The following CUL1 variants were observed in gnomAD, a reference collection of about 807,000 sequenced individuals.
CUL1 encodes cullin 1, also known as cullin-1.
A neutral mutation model predicts 118.0 loss-of-function variants in CUL1; 24 were observed. That is an observed-to-expected ratio of 0.20 (90% CI 0.15 to 0.29). CUL1 has a LOEUF of 0.29. CUL1 is among the 10% of genes least tolerant of loss of function. The probability of loss-of-function intolerance (pLI) is 1.00; values close to 1 mark genes in which losing one functional copy is unlikely to be tolerated. For missense variants in CUL1, 361 were observed against 933.8 expected (o/e 0.39, Z 7.99); for synonymous variants, 332 against 340.4 (o/e 0.98, Z 0.27).
chr7:148,761,920 TC>T (rs1367932528), intron 7 of CUL1, among the ~76,000 whole-genome samples: 1 of 152,130 alleles, frequency 6.6e-6, no homozygotes, highest in Non-Finnish European at 1.5e-5. Context: ...GCAACATAGA[TC>T]CCTCACGTGT....
chr7:148,757,508 G>GC (rs1799693916), intron 4 of CUL1, among the ~76,000 whole-genome samples: 1 of 152,224 alleles, frequency 6.6e-6, no homozygotes, highest in Non-Finnish European at 1.5e-5. Flanking sequence ...CTGAGGGCGA[G>GC]CCCTGAGGAT....
chr7:148,743,215 A>G (rs555547416), intron 2 of CUL1, among the ~76,000 whole-genome samples: 1 of 152,220 alleles, frequency 6.6e-6, no homozygotes, highest in South Asian at 2.1e-4. Flanking sequence ...TGTGCCATGT[A>G]CTCTTGAAAA....
At chr7:148,717,109 G>T (rs545765255) in intron 1 of CUL1, among the ~76,000 whole-genome samples, 12 of 152,200 alleles carry the variant, frequency 7.9e-5, no homozygotes, top group African/African-American at 2.9e-4. Flanking sequence ...ACCCAGGCTG[G>T]AGTGCAGTGG....
intron 1 of CUL1, among the ~76,000 whole-genome samples, chr7:148,728,939 G>A (rs763249980): frequency 1.3e-5 from 2 of 152,132 alleles, no homozygotes; most frequent in Non-Finnish European, 2.9e-5. Flanking sequence ...TCCAGATCTC[G>A]TTTACTTCCC....
intron 1 of CUL1, among the ~76,000 whole-genome samples, chr7:148,704,128 G>A (rs910025214): frequency 6.6e-6 from 1 of 152,004 alleles, no homozygotes; most frequent in African/African-American, 2.4e-5. Context: ...TGTAAAAAGA[G>A]GGCATGTGAA....
intron 2 of CUL1, among the ~76,000 whole-genome samples, chr7:148,734,080 AG>A (rs1474172488): frequency 6.6e-6 from 1 of 152,104 alleles, no homozygotes; most frequent in Non-Finnish European, 1.5e-5. Context: ...GCAGACAGAA[AG>A]ATCCACTTTA....
At chr7:148,785,523 A>AT (rs1403951748) in intron 11 of CUL1, among the ~76,000 whole-genome samples, 5,239 of 132,942 alleles carry the variant, frequency 0.039, 96 homozygotes, top group East Asian at 0.064. Context: ...CACCCGGCTA[A>AT]TTTTTTTTTT....
intron 9 of CUL1, among the ~76,000 whole-genome samples, chr7:148,768,470 C>T (rs1007222073): frequency 1.0e-4 from 15 of 147,554 alleles, no homozygotes; most frequent in African/African-American, 3.0e-4. Flanking sequence ...CTGCAACCTC[C>T]GCTTCCTGGG....
chr7:148,719,493 G>T (rs1441489980), intron 1 of CUL1, among the ~76,000 whole-genome samples: 4 of 152,184 alleles, frequency 2.6e-5, no homozygotes, highest in Non-Finnish European at 4.4e-5. Flanking sequence ...TTGAATTTCA[G>T]TAACGAACTT....
chr7:148,703,695 C>T (rs1797791080), intron 1 of CUL1, among the ~76,000 whole-genome samples: 1 of 151,898 alleles, frequency 6.6e-6, no homozygotes, highest in East Asian at 1.9e-4. Context: ...CTACACCCAG[C>T]TAATTTTTTG....
At chr7:148,702,711 A>G (rs1335145891) in intron 1 of CUL1, among the ~76,000 whole-genome samples, 2 of 152,118 alleles carry the variant, frequency 1.3e-5, no homozygotes, top group Non-Finnish European at 2.9e-5. Context: ...ACACATCACC[A>G]TCTCTGGAAA....
At chr7:148,752,167 CA>C (rs1799512064) in intron 2 of CUL1, among the ~76,000 whole-genome samples, 1 of 152,132 alleles carries the variant, frequency 6.6e-6, no homozygotes, top group Admixed American at 6.6e-5. Flanking sequence ...CACATTTATC[CA>C]GCAAAATATA....
chr7:148,772,237 A>G (rs1800236152), intron 9 of CUL1, among the ~76,000 whole-genome samples: 1 of 152,192 alleles, frequency 6.6e-6, no homozygotes, highest in South Asian at 2.1e-4. Context: ...CAACATGGCG[A>G]AACCCCGTCT....
intron 9 of CUL1, among the ~76,000 whole-genome samples, chr7:148,773,150 C>A (rs1800274284): frequency 6.6e-6 from 1 of 152,070 alleles, no homozygotes; most frequent in African/African-American, 2.4e-5. Context: ...TCTTTTCATC[C>A]TTTGTTTTAA....
chr7:148,725,247 A>ACACACACACACACACACC (rs1249684580), intron 1 of CUL1, among the ~76,000 whole-genome samples: 3 of 151,048 alleles, frequency 2.0e-5, no homozygotes, highest in South Asian at 2.1e-4. Context: ...ACACACACAC[A>ACACACACACACACACACC]CCCGTACCCC....
intron 1 of CUL1, among the ~76,000 whole-genome samples, chr7:148,718,290 G>C (rs1798281217): frequency 1.3e-5 from 2 of 152,322 alleles, no homozygotes; most frequent in Non-Finnish European, 2.9e-5. Context: ...GTTTAGTAAA[G>C]TTAGAGTTGT....
rs902902250 is a variant in CUL1, at chr7:148,800,636, A to G, written c.*54A>G. On this transcript the variant is annotated 3_prime_UTR_variant, in exon 22 of 22. Transcript: ENST00000325222. The surrounding 1 kb of genome is among the most constrained non-coding windows in gnomAD (Gnocchi z 4.6). The stretch of plus-strand genomic sequence containing the variant: ...CCGCAGCAAATAGTTCATGTTGGAA[A>G]GAATGAAAACAACTCAAGTTCATAG... 6.4e-5 allele frequency: 92 copies of G among 1,442,452 alleles called. No homozygotes were observed. The highest frequency in any genetic ancestry group is 1.8e-5 in the Non-Finnish European group (19 of 1,032,638). 89.4% of individuals were successfully genotyped at this position (1,442,452 alleles called of 1,614,324 possible).
rs148179026 is a variant in CUL1, at chr7:148,701,044, A to G, written c.-162+2015A>G. Among the ~76,000 whole-genome samples the G allele has an allele frequency of 9.1e-4, 138 of 152,156 alleles. 1 individual carries two copies. Among genetic ancestry groups the G allele is most frequent in the African/African-American group, 3.1e-3 (130 of 41,494 alleles). ...TAACTACATGACAGCCTTATTTCCC[A>G]TACATTTCCGATTGTGAATTCCTCC... On this transcript the variant is annotated intron_variant, in intron 1 of 21. Coordinates refer to ENST00000325222, the MANE Select transcript of CUL1 (RefSeq NM_003592.3).
intron 16 of CUL1, among the ~76,000 whole-genome samples, chr7:148,792,434 G>C (rs896166600): frequency 1.3e-5 from 2 of 152,066 alleles, no homozygotes; most frequent in Admixed American, 6.5e-5. Flanking sequence ...CTATAAATGC[G>C]TGGGGACGTA....
Sources: gnomAD v4.1 joint callset for allele counts (sites outside exome capture counted in the v4.1 genomes callset) on GRCh38, gnomAD v4.1.1 for gene constraint, Gnocchi (gnomAD v3.1) non-coding constraint, MANE v1.5 for transcripts, NCBI Gene and HGNC (gene_info 2026-07-23, HGNC 2026-07-21) for gene names.